KIAA0930: variants seen among roughly 807,000 people sequenced by gnomAD.
The protein encoded by KIAA0930 is KIAA0930.
Under a neutral mutation model 43.9 loss-of-function variants are expected in KIAA0930, and 24 were observed. That is an observed-to-expected ratio of 0.55 (90% CI 0.40 to 0.77). KIAA0930 has a LOEUF of 0.77. Among genes scored for constraint, KIAA0930 ranks in the 30% least tolerant of loss-of-function variants. The pLI, the probability that KIAA0930 is intolerant of heterozygous loss-of-function variation, is 0.00. For synonymous variants in KIAA0930, 259 were observed against 216.4 expected, an observed-to-expected ratio of 1.20 and a Z score of -1.73; for missense variants, 461 against 574.2, an observed-to-expected ratio of 0.80 and a Z score of 2.02.
chr22:45,194,790 C>G lies in KIAA0930; in HGVS notation c.*2386G>C, dbSNP rs1282409056. 6.6e-6 allele frequency: 1 copy of G among 152,224 alleles called. No individual in the cohort carries two copies. Among genetic ancestry groups the G allele is most frequent in the Non-Finnish European group, 1.5e-5 (1 of 68,050 alleles). 9.4% of individuals were successfully genotyped at this position (152,224 alleles called of 1,614,324 possible). On this transcript the variant is annotated 3_prime_UTR_variant, in exon 10 of 10. Transcript: ENST00000336156. ...AGGGCCTGAGAAAGGCAGACTCCAC[C>G]GAGTGTCTGTCCATCTGTCCGGACA...
At chr22:45,209,209 G>A (rs866051217) in intron 2 of KIAA0930, among the ~76,000 whole-genome samples, 2 of 152,220 alleles carry the variant, frequency 1.3e-5, no homozygotes, top group South Asian at 2.1e-4. Flanking sequence ...GGGTACCAGC[G>A]GGATGGGCAT....
chr22:45,212,716 T>A (rs2083705988), intron 1 of KIAA0930, among the ~76,000 whole-genome samples: 1 of 152,270 alleles, frequency 6.6e-6, no homozygotes, highest in Admixed American at 6.5e-5. Context: ...ACAAATGGTA[T>A]TTCTTTATGA....
intron 9 of KIAA0930, 107 bp downstream of exon 9, chr22:45,197,683 G>A (rs1207615163): frequency 5.7e-6 from 7 of 1,232,210 alleles, no homozygotes; most frequent in South Asian, 2.7e-5. Flanking sequence ...CCAACCAACC[G>A]ACAGGACAGG....
At chr22:45,232,670 A>C (rs2083861246) in intron 1 of KIAA0930, among the ~76,000 whole-genome samples, 1 of 152,176 alleles carries the variant, frequency 6.6e-6, no homozygotes, top group Admixed American at 6.6e-5. Context: ...GGACACTGGG[A>C]GCAAACTGCC....
chr22:45,239,448 C>A (rs1447253711), intron 1 of KIAA0930, among the ~76,000 whole-genome samples: 1 of 152,144 alleles, frequency 6.6e-6, no homozygotes, highest in African/African-American at 2.4e-5. Context: ...CCCCCCACCC[C>A]ACCCCTGCAT....
intron 5 of KIAA0930, among the ~76,000 whole-genome samples, chr22:45,204,601 T>C (rs2083619113): frequency 6.6e-6 from 1 of 152,124 alleles, no homozygotes; most frequent in Admixed American, 6.5e-5. Context: ...TCCTAAGTCC[T>C]CAGGGCCCTG....
chr22:45,192,986 C>T lies in KIAA0930; in HGVS notation c.*4190G>A, dbSNP rs1044426301. On this transcript the variant is annotated 3_prime_UTR_variant, in exon 10 of 10. Transcript: ENST00000336156. Reference sequence around the variant, plus strand: ...AGGGGTCATCTGCAGAGTCACGTGGCACTCTGGCCACTGCTGAAGAGCTGC... The same window carrying T: ...AGGGGTCATCTGCAGAGTCACGTGGTACTCTGGCCACTGCTGAAGAGCTGC... The T allele has an allele frequency of 4.6e-5, 7 of 152,254 alleles. No homozygotes were observed. Among genetic ancestry groups the T allele is most frequent in the Admixed American group, 4.6e-4 (7 of 15,286 alleles). The allele number at this position is 152,254 out of a possible 1,614,324, so 9.4% of individuals were successfully genotyped here. A position where few individuals can be genotyped will look rare whatever the true frequency, so the allele number is the denominator to read the frequency against.
At chr22:45,216,424 T>C (rs757109296) in intron 1 of KIAA0930, among the ~76,000 whole-genome samples, 50 of 151,894 alleles carry the variant, frequency 3.3e-4, no homozygotes, top group Admixed American at 1.3e-3. Context: ...CCCTCTGCTC[T>C]GCTGCCCTGC....
intron 1 of KIAA0930, among the ~76,000 whole-genome samples, chr22:45,239,717 T>A (rs1424304867): frequency 6.6e-6 from 1 of 151,992 alleles, no homozygotes; most frequent in Non-Finnish European, 1.5e-5. Context: ...AGGCTGACAT[T>A]CCGTACTCAG....
chr22:45,218,744 A>G (rs2083749039), intron 1 of KIAA0930, among the ~76,000 whole-genome samples: 1 of 152,180 alleles, frequency 6.6e-6, no homozygotes, highest in African/African-American at 2.4e-5. Flanking sequence ...CAGCTATGTT[A>G]CAAATGCAGA....
chr22:45,218,138 T>C (rs2083744876), intron 1 of KIAA0930, among the ~76,000 whole-genome samples: 1 of 152,060 alleles, frequency 6.6e-6, no homozygotes, highest in African/African-American at 2.4e-5. Context: ...GCGCGTGCCC[T>C]GCACCCTACA....
rs184207576 is a variant in KIAA0930, at chr22:45,227,288, G to T, written c.64+13352C>A. On this transcript the variant is annotated intron_variant, in intron 1 of 9. Coordinates refer to ENST00000336156, the MANE Select transcript of KIAA0930 (RefSeq NM_001009880.2). ...CCTGCTCGATCTCATGCTCTCCGCA[G>T]GCAACGTCCTTGGAAATGCCCACTC... is the stretch of plus-strand genomic sequence containing the variant. Among the ~76,000 whole-genome samples, 389 of 152,240 alleles carry T rather than the reference G, an allele frequency of 2.6e-3. 2 individuals carry two copies. Among genetic ancestry groups the T allele is most frequent in the African/African-American group, 7.7e-3 (319 of 41,530 alleles).
At chr22:45,226,337 G>C (rs377401043) in intron 1 of KIAA0930, 1 of 471,072 alleles carries the variant, frequency 2.1e-6, no homozygotes, top group South Asian at 1.5e-5. Context: ...GTTGGGCTTC[G>C]TATCCAGTTC....
intron 1 of KIAA0930, among the ~76,000 whole-genome samples, chr22:45,214,234 T>G (rs1259426162): frequency 6.6e-6 from 1 of 151,444 alleles, no homozygotes. Context: ...TCTCACAGAG[T>G]TATACATATA....
intron 6 of KIAA0930, 117 bp downstream of exon 6, chr22:45,203,727 CT>C: frequency 1.7e-6 from 2 of 1,167,706 alleles, no homozygotes; most frequent in Non-Finnish European, 2.4e-6. Flanking sequence ...GCAGGTACCC[CT>C]GGCGGCCGCT....
chr22:45,201,449 A>T (rs1350698475), intron 7 of KIAA0930, among the ~76,000 whole-genome samples: 1 of 152,106 alleles, frequency 6.6e-6, no homozygotes, highest in East Asian at 1.9e-4. Context: ...AGGTCTAGTG[A>T]CCTGTAGTCA....
chr22:45,199,278 A>T (rs998598550), intron 8 of KIAA0930, among the ~76,000 whole-genome samples: 1 of 152,130 alleles, frequency 6.6e-6, no homozygotes, highest in African/African-American at 2.4e-5. Context: ...CTCAGGAGAG[A>T]GTGCAGACTG....
chr22:45,223,223 T>C (rs2083777769), intron 1 of KIAA0930, among the ~76,000 whole-genome samples: 1 of 152,214 alleles, frequency 6.6e-6, no homozygotes, highest in South Asian at 2.1e-4. Flanking sequence ...TTAAAAAAGA[T>C]TGAAGCAACT....
In KIAA0930 at chr22:45,197,230, G is replaced by A. The variant is rs1283066714; in HGVS notation, c.1175-14C>T. 5.2e-6 allele frequency: 8 copies of A among 1,549,778 alleles called. No individual in the cohort carries two copies. The highest frequency in any genetic ancestry group is 1.4e-5 in the African/African-American group (1 of 72,974). ...CTTCCAGGATGTCTAGGGCCGGCAG[G>A]AGGGAAGCAGGTGAAACAGTAACCC... On this transcript the variant is annotated splice_polypyrimidine_tract_variant and intron_variant, in intron 9 of 9. Transcript: ENST00000336156.
Sources: allele counts gnomAD v4.1 joint callset (sites outside exome capture counted in the v4.1 genomes callset), GRCh38; gene constraint gnomAD v4.1.1; transcripts MANE v1.5; gene names NCBI Gene and HGNC (gene_info 2026-07-23, HGNC 2026-07-21).